Variants in MED26 observed in about 807,000 individuals in gnomAD.
MED26 encodes the protein mediator of RNA polymerase II transcription subunit 26.
MED26 carries 7 observed loss-of-function variants against 43.7 expected under a neutral mutation model. The observed-to-expected ratio is 0.16, with a 90% CI of 0.09 to 0.30. The LOEUF (loss-of-function observed/expected upper bound fraction) is 0.30, where lower values mean the gene tolerates loss of function less well. Among genes scored for constraint, MED26 ranks in the 10% least tolerant of loss-of-function variants. MED26 has a pLI of 1.00. For synonymous variants in MED26, 375 were observed against 371.1 expected (o/e 1.01, Z -0.12); for missense variants, 784 against 840.6 (o/e 0.93, Z 0.83).
chr19:16,594,198 A>T (rs970157491), intron 1 of MED26, among the ~76,000 whole-genome samples: 2 of 152,224 alleles, frequency 1.3e-5, no homozygotes, highest in Non-Finnish European at 2.9e-5. Context: ...AGCCTGTGTT[A>T]TCTGCTGGCT....
chr19:16,598,624 G>A (rs773029150), intron 1 of MED26, among the ~76,000 whole-genome samples: 4 of 152,078 alleles, frequency 2.6e-5, no homozygotes, highest in East Asian at 1.9e-4. Context: ...GAGAAGTCGC[G>A]TCAACAACTG....
chr19:16,578,631 C>T (rs566032113), intron 1 of MED26: 36 of 557,088 alleles, frequency 6.5e-5, no homozygotes, highest in South Asian at 6.0e-4. Flanking sequence ...GTGTGGTGTG[C>T]GGGCTGCCCC....
At chr19:16,603,387 T>G (rs932994745) in intron 1 of MED26, among the ~76,000 whole-genome samples, 2 of 152,132 alleles carry the variant, frequency 1.3e-5, no homozygotes, top group Non-Finnish European at 2.9e-5. Context: ...GGTCTCGATC[T>G]GTGCAATGGG....
chr19:16,609,996 G>C (rs2086192479), intron 1 of MED26, among the ~76,000 whole-genome samples: 2 of 143,732 alleles, frequency 1.4e-5, no homozygotes, highest in Non-Finnish European at 1.5e-5. Context: ...TGTTATTCAA[G>C]CCGGGTGTGG....
At chr19:16,578,106 A>G in intron 2 of MED26, 1 of 569,862 alleles carries the variant, frequency 1.8e-6, no homozygotes, top group South Asian at 2.2e-5. Flanking sequence ...TGATGTCCCC[A>G]CGTGCCCACG....
Position 16,577,543 on chromosome 19 carries a change from C to A in MED26, c.287G>T (p.Gly96Val). 1 of 1,607,224 alleles carries A rather than the reference C, an allele frequency of 6.2e-7. No homozygotes were observed. Among genetic ancestry groups the A allele is most frequent in the Non-Finnish European group, 8.5e-7 (1 of 1,175,992 alleles). ...PAHQHEAALR[G>V]LAGATGSANG... ...GGCAGAGCCGGTGGCCCCCGCCAGC[C>A]CCCGCAGCGCCGCCTCATGCTGGTG... Residue 96 changes from glycine to valine, a missense_variant, in exon 3 of 3, where the codon GGG (glycine) becomes GTG (valine). Gly to Val is a moderately radical substitution (Grantham distance 109). Transcript: ENST00000263390. The surrounding 1 kb of genome is among the most constrained non-coding windows in gnomAD (Gnocchi z 8.1).
chr19:16,620,363 GCCT>G (rs1213352023), intron 1 of MED26, among the ~76,000 whole-genome samples: 3 of 152,158 alleles, frequency 2.0e-5, no homozygotes, highest in Non-Finnish European at 4.4e-5. Context: ...ACTAGTACCT[GCCT>G]CCTGTTTAAT....
intron 1 of MED26, among the ~76,000 whole-genome samples, chr19:16,626,955 A>G (rs1488456594): frequency 8.6e-6 from 1 of 116,120 alleles, no homozygotes; most frequent in Non-Finnish European, 1.6e-5. Flanking sequence ...ACACACACAC[A>G]CGGAAGGGGA....
In MED26 at chr19:16,578,291, C is replaced by T. The variant is rs77448524; in HGVS notation, c.147+44G>A. Reference sequence around the variant, plus strand: ...AGGACCTGGTTGGTACCATCCCCTGCCCCCCGTTCTGCCCTCCCAAATGCT... The same window carrying T: ...AGGACCTGGTTGGTACCATCCCCTGTCCCCCGTTCTGCCCTCCCAAATGCT... On this transcript the variant is annotated intron_variant, in intron 2 of 2. Transcript: ENST00000263390. The T allele has an allele frequency of 2.2e-3, 3,513 of 1,565,786 alleles. 69 individuals are homozygous for T. The African/African-American group carries it at 0.043, about 19-fold the overall frequency.
chr19:16,576,184 T>C lies in MED26; in HGVS notation c.1646A>G (p.Gln549Arg), dbSNP rs1442697524. Reference sequence around the variant, plus strand: ...GGCCTGGATTCTGTCGAGATCGTCCTGTGTGACCTCCCGGGTCAGACCAGG... The same window carrying C: ...GGCCTGGATTCTGTCGAGATCGTCCCGTGTGACCTCCCGGGTCAGACCAGG... ...DLPGLTREVT[Q>R]DDLDRIQASQ... The change falls in exon 3 of 3, where the codon CAG becomes CGG. Residue 549 changes from glutamine (Q) to arginine (R), a missense_variant. Gln to Arg is a conservative substitution (Grantham distance 43). Coordinates refer to ENST00000263390, the MANE Select transcript of MED26 (RefSeq NM_004831.5). This position sits in a 1 kb window ranked among gnomAD's most constrained non-coding sequence, Gnocchi z 6.8. 1 of 1,613,250 alleles carries C rather than the reference T, an allele frequency of 6.2e-7. No homozygotes were observed. The highest frequency in any genetic ancestry group is 1.7e-5 in the Admixed American group (1 of 60,030).
intron 1 of MED26, among the ~76,000 whole-genome samples, chr19:16,606,013 A>G (rs2086171082): frequency 6.6e-6 from 1 of 152,154 alleles, no homozygotes; most frequent in Non-Finnish European, 1.5e-5. Flanking sequence ...TTCACTCAAA[A>G]CTGAGGCCTG....
chr19:16,611,790 G>C (rs954639032), intron 1 of MED26: 13 of 152,024 alleles, frequency 8.6e-5, no homozygotes, highest in African/African-American at 3.1e-4. Flanking sequence ...TGATTCTGAA[G>C]CTTCTCCCAT....
intron 1 of MED26, among the ~76,000 whole-genome samples, chr19:16,596,719 C>T (rs904376650): frequency 7.2e-5 from 11 of 152,200 alleles, no homozygotes; most frequent in African/African-American, 2.7e-4. Flanking sequence ...TTCCACGCCA[C>T]TCCCTTCGCC....
At chr19:16,613,376 T>C (rs1338985754) in intron 1 of MED26, among the ~76,000 whole-genome samples, 1 of 152,168 alleles carries the variant, frequency 6.6e-6, no homozygotes. Flanking sequence ...GGAGCTGACA[T>C]GGCTCAAAGG....
At position 16,579,780 on chromosome 19, in the gene MED26, T is replaced by C. The variant is rs1005066656; in HGVS notation, c.73-1371A>G. 2.6e-5 allele frequency among the ~76,000 whole-genome samples: 4 copies of C among 152,078 alleles called. No homozygotes were observed. The South Asian group carries it at 6.2e-4, about 24-fold the overall frequency. The stretch of plus-strand genomic sequence containing the variant: ...CAGCATAAAAGGGCACACAAGGAAA[T>C]GGGCATCTCTGACCCAGCCACTGTA... On this transcript the variant is annotated intron_variant, in intron 1 of 2. Transcript: ENST00000263390.
intron 1 of MED26, among the ~76,000 whole-genome samples, chr19:16,623,254 C>T (rs1016741051): frequency 6.6e-6 from 1 of 152,200 alleles, no homozygotes; most frequent in African/African-American, 2.4e-5. Context: ...GAACACCACG[C>T]TGCTCCTCTC....
chr19:16,590,493 A>G (rs944883870), intron 1 of MED26, among the ~76,000 whole-genome samples: 19 of 152,226 alleles, frequency 1.2e-4, no homozygotes, highest in African/African-American at 4.6e-4. Context: ...TATCAGGAAT[A>G]GATGTCTGAT....
At chr19:16,624,197 T>C (rs2086263620) in intron 1 of MED26, 1 of 152,050 alleles carries the variant, frequency 6.6e-6, no homozygotes, top group South Asian at 2.1e-4. Flanking sequence ...GAAGGAGCTT[T>C]ATGGGGTGCA....
rs1390047735 is a variant in MED26 at position 16,576,095 on chromosome 19, A to C, written c.1735T>G (p.Cys579Gly). 6.8e-6 allele frequency: 11 copies of C among 1,613,822 alleles called. No individual in the cohort carries two copies. The East Asian group carries it at 2.5e-4, about 36-fold the overall frequency. Residue 579 changes from cysteine (C) to glycine (G), a missense_variant, in exon 3 of 3, where the codon TGC (cysteine) becomes GGC (glycine). Transcript: ENST00000263390. This position sits in a 1 kb window ranked among gnomAD's most constrained non-coding sequence, Gnocchi z 6.8. ...TCGCCGTGCGGATCGAGCGATATGCACTGCGTCCAGTCATACCAGTTACCC... is the reference window on the plus strand; with the variant it reads ...TCGCCGTGCGGATCGAGCGATATGCCCTGCGTCCAGTCATACCAGTTACCC... ...TQGNWYDWTQCISLDPHGDDG... is the reference protein window; with the variant it reads ...TQGNWYDWTQGISLDPHGDDG...
Sources: allele counts gnomAD v4.1 joint callset (sites outside exome capture counted in the v4.1 genomes callset), GRCh38; gene constraint gnomAD v4.1.1; non-coding constraint Gnocchi (gnomAD v3.1); transcripts MANE v1.5; gene names NCBI Gene and HGNC (gene_info 2026-07-23, HGNC 2026-07-21).